The following LUC7L2 variants were observed in gnomAD, a reference collection of about 807,000 sequenced individuals.
LUC7L2 encodes the protein LUC7 like 2, pre-mRNA splicing factor.
In LUC7L2, 25 loss-of-function variants were observed where a neutral mutation model predicts 52.8. That is an observed-to-expected ratio of 0.47 (90% CI 0.34 to 0.66). LUC7L2 has a LOEUF of 0.66. Among genes scored for constraint, LUC7L2 ranks in the 30% least tolerant of loss-of-function variants. LUC7L2 has a pLI of 0.01. For synonymous variants in LUC7L2, 144 were observed against 160.9 expected, an observed-to-expected ratio of 0.89 and a Z score of 0.80; for missense variants, 328 against 497.8, an observed-to-expected ratio of 0.66 and a Z score of 3.25.
chr7:139,350,267 G>A (rs1017938501), intron 1 of LUC7L2, among the ~76,000 whole-genome samples: 9 of 151,828 alleles, frequency 5.9e-5, no homozygotes, highest in South Asian at 2.1e-4. Flanking sequence ...GACTACAGGC[G>A]CCCGCCACCA....
intron 1 of LUC7L2, among the ~76,000 whole-genome samples, chr7:139,361,065 A>G (rs1262214924): frequency 6.6e-6 from 1 of 152,256 alleles, no homozygotes. Context: ...GAGGAGAACA[A>G]AGATCCTTTC....
chr7:139,373,874 T>C (rs905971430), intron 1 of LUC7L2, among the ~76,000 whole-genome samples: 3 of 152,244 alleles, frequency 2.0e-5, no homozygotes, highest in Non-Finnish European at 4.4e-5. Context: ...TAGATACTTT[T>C]AGCAGGAAGA....
chr7:139,416,044 T>A (rs1341641788), intron 8 of LUC7L2: 1 of 7,748 alleles, frequency 1.3e-4, no homozygotes, highest in Non-Finnish European at 2.2e-4. Context: ...GTATAAAATA[T>A]ATATATATAT....
rs66498771 is a variant in LUC7L2 at position 139,416,040 on chromosome 7, AATATATATATATATATATATAT to A, written c.810-1469_810-1448del. 2.9e-3 allele frequency: 281 copies of A among 97,838 alleles called. 5 individuals are homozygous for A. In the South Asian group the frequency reaches 0.033, roughly 12 times the overall value. 6.1% of individuals were successfully genotyped at this position (97,838 alleles called of 1,614,324 possible). On this transcript the variant is annotated intron_variant, in intron 8 of 9. Transcript: ENST00000354926. The stretch of plus-strand genomic sequence containing the variant: ...ATTTAAGAGTTTTATTGAGGTATAA[AATATATATATATATATATATAT>A]ATATATATATATATATATATATATA...
chr7:139,378,574 C>CAA (rs397756398), intron 2 of LUC7L2, among the ~76,000 whole-genome samples: 2,019 of 151,120 alleles, frequency 0.013, 46 homozygotes, highest in African/African-American at 0.045. Flanking sequence ...GACCCTGCCT[C>CAA]AAAAAAAAGA....
intron 4 of LUC7L2, among the ~76,000 whole-genome samples, chr7:139,403,391 A>G (rs995057939): frequency 6.6e-5 from 10 of 152,348 alleles, no homozygotes; most frequent in African/African-American, 2.2e-4. Flanking sequence ...AAAATGCAGA[A>G]TGGGAGAAAA....
Position 139,363,976 on chromosome 7 carries a change from CTTTTTTTTTTTT to C in LUC7L2, c.61+3670_61+3681del, listed in dbSNP as rs1169793101. Among the ~76,000 whole-genome samples the C allele has an allele frequency of 6.2e-5, 6 of 96,096 alleles. No individual in the cohort carries two copies. In the East Asian group the frequency reaches 1.1e-3, roughly 18 times the overall value. The allele number at this position is 96,096 out of a possible 152,430, so 63.0% of individuals were successfully genotyped here. On this transcript the variant is annotated intron_variant, in intron 1 of 9. Coordinates refer to ENST00000354926, the MANE Select transcript of LUC7L2 (RefSeq NM_016019.5). ...TGAGGGTGTGGATTTAGATTACATC[CTTTTTTTTTTTT>C]TTTTTTTTTTTTTTTGAGACAGGGT...
At chr7:139,415,758 C>T (rs915681843) in intron 8 of LUC7L2, among the ~76,000 whole-genome samples, 4 of 151,726 alleles carry the variant, frequency 2.6e-5, no homozygotes, top group Admixed American at 1.3e-4. Flanking sequence ...CCATTGTGGC[C>T]TCCCCAAGTG....
intron 4 of LUC7L2, among the ~76,000 whole-genome samples, chr7:139,404,338 T>C (rs1310624766): frequency 6.6e-6 from 1 of 152,114 alleles, no homozygotes; most frequent in Non-Finnish European, 1.5e-5. Flanking sequence ...GGTGAAACCC[T>C]GTTTCTACAA....
At chr7:139,385,069 A>G (rs1794133790) in intron 2 of LUC7L2, among the ~76,000 whole-genome samples, 1 of 152,126 alleles carries the variant, frequency 6.6e-6, no homozygotes, top group Non-Finnish European at 1.5e-5. Flanking sequence ...GTTTGTTTCT[A>G]GTTGAGGGTT....
rs1795943276 is a variant in LUC7L2, at chr7:139,422,345, C to T, written c.*5C>T. 1 of 1,605,180 alleles carries T rather than the reference C, an allele frequency of 6.2e-7. No homozygotes were observed. Among genetic ancestry groups the T allele is most frequent in the Non-Finnish European group, 8.5e-7 (1 of 1,177,058 alleles). On this transcript the variant is annotated 3_prime_UTR_variant, in exon 10 of 10. Transcript: ENST00000354926. ...CGCGAAGCAGGGGAGATCTAACTAGCTGTGTACATTTCTTCAGTCCTTAAG... is the reference window on the plus strand; with the variant it reads ...CGCGAAGCAGGGGAGATCTAACTAGTTGTGTACATTTCTTCAGTCCTTAAG...
chr7:139,409,668 G>A lies in LUC7L2; in HGVS notation c.779+14G>A. 1.3e-6 allele frequency: 2 copies of A among 1,579,056 alleles called. No individual in the cohort carries two copies. The highest frequency in any genetic ancestry group is 1.7e-6 in the Non-Finnish European group (2 of 1,166,176). On this transcript the variant is annotated intron_variant, in intron 7 of 9. Transcript: ENST00000354926. ...GAAGCTGAGGAGGTATGGAGTAATG[G>A]GCCAAGTAATTGAAGTTGAATCTCT...
At chr7:139,378,705 TG>T (rs1489657685) in intron 2 of LUC7L2, among the ~76,000 whole-genome samples, 1 of 152,362 alleles carries the variant, frequency 6.6e-6, no homozygotes, top group Non-Finnish European at 1.5e-5. Context: ...AAAAAGCATT[TG>T]TTCTTTAGGG....
chr7:139,402,311 A>G, intron 4 of LUC7L2, 64 bp downstream of exon 4: 1 of 1,419,316 alleles, frequency 7.0e-7, no homozygotes, highest in Non-Finnish European at 9.3e-7. Flanking sequence ...TTAAGTTTTT[A>G]TTTTGAAATA....
chr7:139,387,003 T>C (rs112987124), intron 2 of LUC7L2, among the ~76,000 whole-genome samples: 214 of 151,976 alleles, frequency 1.4e-3, no homozygotes, highest in African/African-American at 5.0e-3. Context: ...CATGCCCGGC[T>C]AATTTTTTGT....
Position 139,417,594 on chromosome 7 carries a change from A to G in LUC7L2, c.866A>G (p.Lys289Arg), listed in dbSNP as rs1164871936. The G allele has an allele frequency of 3.1e-6, 5 of 1,614,072 alleles. No homozygotes were observed. The African/African-American group carries it at 5.3e-5, about 17-fold the overall frequency. ...TCTCGCTCCATGTCACGTGAACGCA[A>G]GAGGAGAACTCGATCCAAATCTCGG... ...HRSRSMSRER[K>R]RRTRSKSREK... Residue 289 changes from lysine (K) to arginine (R), a missense_variant, in exon 9 of 10, where the codon AAG becomes AGG. Around this residue, in one of 2 missense-constraint regions of LUC7L2, gnomAD observed 195 missense variants for 223.3 expected, o/e 0.87. Transcript: ENST00000354926.
intron 2 of LUC7L2, among the ~76,000 whole-genome samples, chr7:139,378,930 G>A (rs980538341): frequency 7.2e-5 from 11 of 152,212 alleles, no homozygotes; most frequent in African/African-American, 2.7e-4. Context: ...TAGGACTACA[G>A]GCAGGAGCCA....
At chr7:139,401,086 G>A (rs1292632668) in intron 3 of LUC7L2, among the ~76,000 whole-genome samples, 1 of 152,060 alleles carries the variant, frequency 6.6e-6, no homozygotes. Flanking sequence ...ATTAATTGTA[G>A]ACATTAATAT....
chr7:139,422,214 CAGG>C lies in LUC7L2; in HGVS notation c.1056_1058del (p.Arg352del), dbSNP rs749517507. 6.2e-6 allele frequency: 10 copies of C among 1,614,044 alleles called. 1 individual carries two copies. The South Asian group carries it at 1.1e-4, about 18-fold the overall frequency. ...AAGACTTAGCATCATGTGACAGAGA[CAGG>C]AGTTCAAGAGACAGATCACCTCGTG... On this transcript the variant is annotated inframe_deletion, in exon 10 of 10. Coordinates refer to ENST00000354926, the MANE Select transcript of LUC7L2 (RefSeq NM_016019.5).
Sources: allele counts gnomAD v4.1 joint callset (sites outside exome capture counted in the v4.1 genomes callset), GRCh38; gene constraint gnomAD v4.1.1; regional missense constraint gnomAD v4.1.1; transcripts MANE v1.5; gene names NCBI Gene and HGNC (gene_info 2026-07-23, HGNC 2026-07-21).